Variants in SH3GLB1 observed in about 807,000 individuals in gnomAD.
The protein encoded by SH3GLB1 is endophilin-B1.
Under a neutral mutation model 42.0 loss-of-function variants are expected in SH3GLB1, and 17 were observed. The observed-to-expected ratio is 0.40, with a 90% CI of 0.28 to 0.61. SH3GLB1 has a LOEUF of 0.61. Among genes scored for constraint, SH3GLB1 ranks in the 20% least tolerant of loss-of-function variants. SH3GLB1 has a pLI of 0.36. For synonymous variants in SH3GLB1, 132 were observed against 146.6 expected, an observed-to-expected ratio of 0.90 and a Z score of 0.72; for missense variants, 355 against 426.3, an observed-to-expected ratio of 0.83 and a Z score of 1.47.
At chr1:86,725,073 A>AT (rs572399267) in intron 5 of SH3GLB1, among the ~76,000 whole-genome samples, 5 of 149,998 alleles carry the variant, frequency 3.3e-5, no homozygotes, top group African/African-American at 7.3e-5. Flanking sequence ...CTAATGTGTC[A>AT]TTTTTTTTAA....
At chr1:86,716,920 A>C (rs1000512651) in intron 2 of SH3GLB1, among the ~76,000 whole-genome samples, 2 of 152,188 alleles carry the variant, frequency 1.3e-5, no homozygotes, top group Middle Eastern at 3.2e-3. Flanking sequence ...ACTAACTTAA[A>C]CTTCAAGCAC....
At chr1:86,718,813 C>T (rs1004616916) in intron 2 of SH3GLB1, among the ~76,000 whole-genome samples, 5 of 152,210 alleles carry the variant, frequency 3.3e-5, no homozygotes, top group African/African-American at 1.2e-4. Flanking sequence ...TTCCCCTTTC[C>T]ATTTATTCTA....
chr1:86,741,658 C>A (rs1041910389), intron 7 of SH3GLB1, among the ~76,000 whole-genome samples: 2 of 152,096 alleles, frequency 1.3e-5, no homozygotes, highest in Non-Finnish European at 2.9e-5. Flanking sequence ...TTTCATCTTA[C>A]GTCTTCTGCT....
chr1:86,714,615 G>A (rs1654404550), intron 1 of SH3GLB1, among the ~76,000 whole-genome samples: 1 of 152,162 alleles, frequency 6.6e-6, no homozygotes, highest in African/African-American at 2.4e-5. Flanking sequence ...AAACCAAGAA[G>A]AAGGATGCTG....
At chr1:86,730,108 A>G (rs1411847817) in intron 5 of SH3GLB1, 1 of 1,594,718 alleles carries the variant, frequency 6.3e-7, no homozygotes. Context: ...AGGAGGTGAC[A>G]AAAGTAAGTA....
At chr1:86,711,373 A>G (rs978544941) in intron 1 of SH3GLB1, among the ~76,000 whole-genome samples, 1 of 152,164 alleles carries the variant, frequency 6.6e-6, no homozygotes, top group Non-Finnish European at 1.5e-5. Context: ...CCGCAAAGCA[A>G]TATTTAGAGA....
At chr1:86,720,050 T>A (rs556350807) in intron 3 of SH3GLB1, among the ~76,000 whole-genome samples, 23 of 151,276 alleles carry the variant, frequency 1.5e-4, no homozygotes, top group African/African-American at 4.1e-4. Flanking sequence ...ACTTCAAATT[T>A]ATGTTAAAAA....
At chr1:86,743,080 G>C in intron 8 of SH3GLB1, 48 bp from the exon 9 acceptor site, 1 of 1,430,328 alleles carries the variant, frequency 7.0e-7, no homozygotes, top group Non-Finnish European at 9.8e-7. Context: ...TTTTCTACTT[G>C]TTTATTTTTT....
intron 1 of SH3GLB1, among the ~76,000 whole-genome samples, chr1:86,711,213 C>T (rs571356549): frequency 5.3e-5 from 8 of 152,108 alleles, no homozygotes; most frequent in Non-Finnish European, 8.8e-5. Context: ...TTTGATCACA[C>T]ACCCATTTTA....
At chr1:86,740,913 CTT>C (rs1278674471) in intron 7 of SH3GLB1, among the ~76,000 whole-genome samples, 1 of 151,548 alleles carries the variant, frequency 6.6e-6, no homozygotes, top group Non-Finnish European at 1.5e-5. Flanking sequence ...CTGGGTATCT[CTT>C]TTTTTAAAGA....
chr1:86,735,778 C>A (rs779484366), intron 7 of SH3GLB1, among the ~76,000 whole-genome samples: 7 of 152,146 alleles, frequency 4.6e-5, no homozygotes, highest in Non-Finnish European at 8.8e-5. Context: ...CTTTATGGAG[C>A]TCACATTATA....
intron 2 of SH3GLB1, among the ~76,000 whole-genome samples, chr1:86,716,471 G>A (rs1047246892): frequency 1.3e-5 from 2 of 152,066 alleles, no homozygotes; most frequent in Non-Finnish European, 2.9e-5. Flanking sequence ...CTTTAGTAGA[G>A]ATAGGGTTTC....
At chr1:86,720,573 A>T (rs1292669036) in intron 3 of SH3GLB1, among the ~76,000 whole-genome samples, 1 of 152,220 alleles carries the variant, frequency 6.6e-6, no homozygotes, top group Non-Finnish European at 1.5e-5. Context: ...TTCTCATAAC[A>T]TGAGACTGTT....
chr1:86,735,200 T>C (rs549637150), intron 7 of SH3GLB1, 21 bp downstream of exon 7: 3 of 1,525,274 alleles, frequency 2.0e-6, no homozygotes, highest in East Asian at 2.3e-5. Context: ...ACTTTTCACA[T>C]GTAAAGAGGA....
At chr1:86,739,971 G>A (rs778365370) in intron 7 of SH3GLB1, among the ~76,000 whole-genome samples, 1 of 151,906 alleles carries the variant, frequency 6.6e-6, no homozygotes, top group Non-Finnish European at 1.5e-5. Context: ...ATGGTGAAAC[G>A]CTGTCTCTAC....
chr1:86,711,455 T>A (rs553822423), intron 1 of SH3GLB1, among the ~76,000 whole-genome samples: 2 of 152,218 alleles, frequency 1.3e-5, no homozygotes, highest in South Asian at 2.1e-4. Context: ...TATGAAAAAA[T>A]TAGGTATCAA....
At chr1:86,721,667 A>G (rs1321018507) in intron 3 of SH3GLB1, among the ~76,000 whole-genome samples, 1 of 152,180 alleles carries the variant, frequency 6.6e-6, no homozygotes. Flanking sequence ...ACTATGAACT[A>G]TTACTTATAG....
chr1:86,711,962 G>A (rs560647687), intron 1 of SH3GLB1, among the ~76,000 whole-genome samples: 125 of 152,014 alleles, frequency 8.2e-4, no homozygotes, highest in African/African-American at 2.6e-3. Flanking sequence ...TGTAGTAGAC[G>A]CATTATTTAC....
Position 86,742,626 on chromosome 1 carries a change from C to A in SH3GLB1, c.990+190C>A, listed in dbSNP as rs375307507. Among the ~76,000 whole-genome samples, 5 of 152,082 alleles carry A rather than the reference C, an allele frequency of 3.3e-5. No homozygotes were observed. The South Asian group carries it at 1.0e-3, about 32-fold the overall frequency. On this transcript the variant is annotated intron_variant, in intron 8 of 8. Coordinates refer to ENST00000370558, the MANE Select transcript of SH3GLB1 (RefSeq NM_016009.5). ...TAGAAATATTTAAAACTTTTAACTG[C>A]CAAATAACTTGAAGATGTATAAAAC...
Sources: gnomAD v4.1 joint callset for allele counts (sites outside exome capture counted in the v4.1 genomes callset) on GRCh38, gnomAD v4.1.1 for gene constraint, MANE v1.5 for transcripts, NCBI Gene and HGNC (gene_info 2026-07-23, HGNC 2026-07-21) for gene names.